Variants in UGT1A9 observed in about 807,000 individuals in gnomAD.
UGT1A9 encodes the protein UDP-glucuronosyltransferase 1A9.
In UGT1A9, 35 loss-of-function variants were observed where a neutral mutation model predicts 45.0. The observed-to-expected ratio is 0.78, with a 90% CI of 0.59 to 1.03. The LOEUF (loss-of-function observed/expected upper bound fraction) is 1.03, where lower values mean the gene tolerates loss of function less well. Ranked by LOEUF, UGT1A9 falls within the 50% of genes least tolerant of loss-of-function variation. The pLI, the probability that UGT1A9 is intolerant of heterozygous loss-of-function variation, is 0.00. For missense variants in UGT1A9, 687 were observed against 666.6 expected, an observed-to-expected ratio of 1.03 and a Z score of -0.34; for synonymous variants, 278 against 250.6, an observed-to-expected ratio of 1.11 and a Z score of -1.03.
intron 1 of UGT1A9, chr2:233,729,328 C>T (rs765145094): frequency 7.4e-6 from 12 of 1,614,122 alleles, no homozygotes; most frequent in South Asian, 2.2e-5. Context: ...GGTGAATATG[C>T]ACATCAAAGA....
intron 1 of UGT1A9, chr2:233,760,820 G>A (rs1177412651): frequency 6.2e-7 from 1 of 1,613,432 alleles, no homozygotes; most frequent in Non-Finnish European, 8.5e-7. Context: ...CTGCCATGCA[G>A]CCTGGAATTT....
chr2:233,718,891 C>A (rs1334385335), intron 1 of UGT1A9: 1 of 1,613,996 alleles, frequency 6.2e-7, no homozygotes, highest in East Asian at 2.2e-5. Flanking sequence ...AGTGTCCAGC[C>A]CTGGGCTGAG....
chr2:233,765,604 G>T (rs986298003), intron 1 of UGT1A9, among the ~76,000 whole-genome samples: 11 of 151,976 alleles, frequency 7.2e-5, no homozygotes, highest in Non-Finnish European at 1.2e-4. Context: ...CAGGGCTTGT[G>T]GCGGGGTGAG....
At chr2:233,751,247 A>G (rs1694675595) in intron 1 of UGT1A9, among the ~76,000 whole-genome samples, 1 of 151,954 alleles carries the variant, frequency 6.6e-6, no homozygotes, top group South Asian at 2.1e-4. Flanking sequence ...TTGGACTTGC[A>G]TGGGGCCTGT....
intron 2 of UGT1A9, among the ~76,000 whole-genome samples, chr2:233,767,645 G>A (rs193254313): frequency 6.6e-5 from 10 of 152,224 alleles, no homozygotes; most frequent in South Asian, 2.1e-4. Context: ...ACAAATTCAC[G>A]TAGTGCATAC....
intron 1 of UGT1A9, among the ~76,000 whole-genome samples, chr2:233,757,801 A>G (rs2125960079): frequency 6.6e-6 from 1 of 151,714 alleles, no homozygotes; most frequent in Non-Finnish European, 1.5e-5. Flanking sequence ...ATGAAAGGAG[A>G]TGAAAGGAGC....
rs1174769439 is a variant in UGT1A9, at chr2:233,773,222, A to G, written c.*663A>G. On this transcript the variant is annotated 3_prime_UTR_variant, in exon 5 of 5. Coordinates refer to ENST00000354728, the MANE Select transcript of UGT1A9 (RefSeq NM_021027.3). ...TTTGATAAAAACCCAAAATACAGCTATGAAGTGCTGGGCAAGTTTACTTTT... is the reference window on the plus strand; with the variant it reads ...TTTGATAAAAACCCAAAATACAGCTGTGAAGTGCTGGGCAAGTTTACTTTT... 2 of 152,386 alleles carry G rather than the reference A, an allele frequency of 1.3e-5. No homozygotes were observed. Among genetic ancestry groups the G allele is most frequent in the African/African-American group, 4.8e-5 (2 of 41,470 alleles). 9.4% of individuals were successfully genotyped at this position (152,386 alleles called of 1,614,324 possible).
rs1054717922 is a variant in UGT1A9, at chr2:233,744,074, G to A, written c.856-22960G>A. On this transcript the variant is annotated intron_variant, in intron 1 of 4. Coordinates refer to ENST00000354728, the MANE Select transcript of UGT1A9 (RefSeq NM_021027.3). ...ATTGGTCGAGGCCTATGAGCGCCTC[G>A]CATCCCAAGATGCAGTGCTTCTGGG... The A allele has an allele frequency of 7.4e-5, 35 of 470,704 alleles. No homozygotes were observed. In the Middle Eastern group the frequency reaches 2.5e-3, roughly 34 times the overall value. 29.2% of individuals were successfully genotyped at this position (470,704 alleles called of 1,614,324 possible). A position where few individuals can be genotyped will look rare whatever the true frequency, so the allele number is the denominator to read the frequency against.
intron 1 of UGT1A9, chr2:233,682,738 CA>C: frequency 9.9e-6 from 16 of 1,613,880 alleles, no homozygotes; most frequent in Non-Finnish European, 1.4e-5. Flanking sequence ...CCGTGATGCC[CA>C]ATATGATCTT....
rs1422207500 is a variant in UGT1A9 at position 233,757,556 on chromosome 2, ATATATG to A, written c.856-9472_856-9467del. ...AAGGAATATATATATATATATATATATATATGTATATATGATATAGCTATAGTCTAA... is the reference window on the plus strand; with the variant it reads ...AAGGAATATATATATATATATATATATATATATGATATAGCTATAGTCTAA... On this transcript the variant is annotated intron_variant, in intron 1 of 4. Coordinates refer to ENST00000354728, the MANE Select transcript of UGT1A9 (RefSeq NM_021027.3). Among the ~76,000 whole-genome samples, 673 of 125,374 alleles carry A rather than the reference ATATATG, an allele frequency of 5.4e-3. 74 individuals carry two copies. The highest frequency in any genetic ancestry group is 0.02 in the African/African-American group (631 of 31,024). The allele number at this position is 125,374 out of a possible 152,430, so 82.3% of individuals were successfully genotyped here.
intron 1 of UGT1A9, among the ~76,000 whole-genome samples, chr2:233,715,641 G>A (rs1196189169): frequency 6.6e-6 from 1 of 152,000 alleles, no homozygotes; most frequent in Non-Finnish European, 1.5e-5. Context: ...GTGTGATGGT[G>A]CACACCTGTG....
intron 1 of UGT1A9, chr2:233,755,013 G>A (rs1255177181): frequency 7.7e-7 from 1 of 1,294,530 alleles, no homozygotes; most frequent in Admixed American, 1.9e-5. Flanking sequence ...CTACTCGAAG[G>A]GGTCCTTGAA....
At chr2:233,715,882 C>A (rs576558461) in intron 1 of UGT1A9, among the ~76,000 whole-genome samples, 1 of 152,178 alleles carries the variant, frequency 6.6e-6, no homozygotes, top group Non-Finnish European at 1.5e-5. Flanking sequence ...CCTGTGGCCC[C>A]AGCTACTTGG....
At chr2:233,747,707 A>G (rs1693758037) in intron 1 of UGT1A9, 3 of 1,612,682 alleles carry the variant, frequency 1.9e-6, no homozygotes, top group African/African-American at 1.3e-5. Flanking sequence ...CTAAGTACCT[A>G]TCAATTCCTG....
chr2:233,687,258 A>G (rs1365744263), intron 1 of UGT1A9, among the ~76,000 whole-genome samples: 2 of 152,216 alleles, frequency 1.3e-5, no homozygotes, highest in African/African-American at 4.8e-5. Context: ...AATGATCTTA[A>G]CCATGCATTC....
intron 1 of UGT1A9, among the ~76,000 whole-genome samples, chr2:233,707,710 A>G (rs556355059): frequency 6.6e-6 from 1 of 152,256 alleles, no homozygotes; most frequent in East Asian, 1.9e-4. Context: ...GCTTTTCACT[A>G]CTGTGAACAA....
Position 233,768,056 on chromosome 2 carries a change from T to G in UGT1A9, c.1075+120T>G, listed in dbSNP as rs35523971. The G allele has an allele frequency of 3.2e-4, 515 of 1,603,390 alleles. No homozygotes were observed. In the African/African-American group the frequency reaches 5.5e-3, roughly 17 times the overall value. On this transcript the variant is annotated intron_variant, in intron 3 of 4. Transcript: ENST00000354728. The stretch of plus-strand genomic sequence containing the variant: ...ATATTATGGCCAACATATCCTACAT[T>G]GCTTTTTATCTAGTGGGGTATCTCA...
intron 1 of UGT1A9, among the ~76,000 whole-genome samples, chr2:233,748,243 C>G (rs570859275): frequency 6.6e-6 from 1 of 151,666 alleles, no homozygotes; most frequent in Non-Finnish European, 1.5e-5. Context: ...TCTCTAGTAG[C>G]GTATTTCAGG....
intron 1 of UGT1A9, among the ~76,000 whole-genome samples, chr2:233,702,670 T>C (rs1481483329): frequency 6.6e-6 from 1 of 152,212 alleles, no homozygotes; most frequent in African/African-American, 2.4e-5. Flanking sequence ...ATTCTTATCA[T>C]ACCTGAGGTG....
Sources: allele counts gnomAD v4.1 joint callset (sites outside exome capture counted in the v4.1 genomes callset), GRCh38; gene constraint gnomAD v4.1.1; transcripts MANE v1.5; gene names NCBI Gene and HGNC (gene_info 2026-07-23, HGNC 2026-07-21).